The following MIDEAS variants were observed in gnomAD, a reference collection of about 807,000 sequenced individuals.
MIDEAS encodes mitotic deacetylase associated SANT domain protein.
MIDEAS carries 26 observed loss-of-function variants against 102.7 expected under a neutral mutation model. The observed-to-expected ratio is 0.25, with a 90% CI of 0.19 to 0.35. MIDEAS has a LOEUF of 0.35. MIDEAS is among the 10% of genes least tolerant of loss of function. The pLI, the probability that MIDEAS is intolerant of heterozygous loss-of-function variation, is 1.00. For synonymous variants in MIDEAS, 585 were observed against 591.0 expected (o/e 0.99, Z 0.15); for missense variants, 1,231 against 1,435.6 (o/e 0.86, Z 2.30).
At chr14:73,719,663 C>T (rs949804194) in intron 11 of MIDEAS, among the ~76,000 whole-genome samples, 162 bp from the exon 12 acceptor site, 1 of 151,750 alleles carries the variant, frequency 6.6e-6, no homozygotes, top group Non-Finnish European at 1.5e-5. Flanking sequence ...ACCATTGCCT[C>T]CTCCAACTCT....
intron 1 of MIDEAS, among the ~76,000 whole-genome samples, chr14:73,774,750 C>A (rs573274695): frequency 6.6e-6 from 1 of 152,038 alleles, no homozygotes; most frequent in East Asian, 2.0e-4. Flanking sequence ...AGGTGGCAGC[C>A]CCACCAGCAA....
In MIDEAS at chr14:73,731,896, TAA is replaced by T. The variant is rs1354310981; in HGVS notation, c.1750-1913_1750-1912del. Among the ~76,000 whole-genome samples the T allele has an allele frequency of 5.3e-5, 8 of 152,294 alleles. No homozygotes were observed. In the East Asian group the frequency reaches 1.5e-3, roughly 29 times the overall value. On this transcript the variant is annotated intron_variant, in intron 3 of 12. Transcript: ENST00000423556. ...AAAGTATCTGTAGTACAAAGAATAA[TAA>T]ATAATGAATGAAATAAACAAATAAC...
At chr14:73,785,902 G>T (rs1221394735) in intron 1 of MIDEAS, among the ~76,000 whole-genome samples, 1 of 152,216 alleles carries the variant, frequency 6.6e-6, no homozygotes, top group African/African-American at 2.4e-5. Context: ...AGGGCAAAAA[G>T]AATTTGGAGA....
chr14:73,768,637 A>G (rs979164525), intron 1 of MIDEAS, among the ~76,000 whole-genome samples: 4 of 150,692 alleles, frequency 2.7e-5, no homozygotes, highest in Non-Finnish European at 5.9e-5. Flanking sequence ...GGTGTGCACC[A>G]CCACGCCTGG....
intron 1 of MIDEAS, among the ~76,000 whole-genome samples, chr14:73,766,851 A>ATT (rs34401057): frequency 0.011 from 811 of 75,786 alleles, 10 homozygotes; most frequent in Non-Finnish European, 0.014. Context: ...CTGCCCGGCC[A>ATT]TTTTTTTTTT....
At chr14:73,777,145 T>G (rs928073237) in intron 1 of MIDEAS, among the ~76,000 whole-genome samples, 2 of 151,836 alleles carry the variant, frequency 1.3e-5, no homozygotes, top group Non-Finnish European at 2.9e-5. Context: ...GCCAACCACA[T>G]GCGCAGCCTA....
At chr14:73,758,524 A>T (rs1419201140) in intron 1 of MIDEAS, among the ~76,000 whole-genome samples, 1 of 152,086 alleles carries the variant, frequency 6.6e-6, no homozygotes, top group Non-Finnish European at 1.5e-5. Context: ...TCCCTCCCCC[A>T]GCCGCAGCTG....
intron 1 of MIDEAS, among the ~76,000 whole-genome samples, chr14:73,753,877 G>T (rs1371902972): frequency 6.6e-6 from 1 of 151,578 alleles, no homozygotes; most frequent in Admixed American, 6.6e-5. Flanking sequence ...ACAGGGGGAT[G>T]AGGGTATTTC....
intron 4 of MIDEAS, chr14:73,727,953 G>T (rs995540911): frequency 6.4e-6 from 1 of 157,396 alleles, no homozygotes; most frequent in Non-Finnish European, 1.4e-5. Context: ...TGGTGAAGGG[G>T]ATCGCTGTTT....
At chr14:73,769,345 G>A (rs548677344) in intron 1 of MIDEAS, among the ~76,000 whole-genome samples, 1 of 152,306 alleles carries the variant, frequency 6.6e-6, no homozygotes, top group Admixed American at 6.5e-5. Context: ...ACATGAGCAG[G>A]GTTTGACACA....
intron 1 of MIDEAS, among the ~76,000 whole-genome samples, chr14:73,770,986 A>G (rs1282748701): frequency 6.6e-6 from 1 of 152,170 alleles, no homozygotes; most frequent in African/African-American, 2.4e-5. Context: ...GGGCGTGAAG[A>G]TGAGGTTGGG....
chr14:73,731,704 G>A (rs906374767), intron 3 of MIDEAS, among the ~76,000 whole-genome samples: 4 of 152,160 alleles, frequency 2.6e-5, no homozygotes, highest in Non-Finnish European at 5.9e-5. Flanking sequence ...AAGTATACAC[G>A]GATGGAATGA....
chr14:73,775,705 C>CT (rs1474772493), intron 1 of MIDEAS, among the ~76,000 whole-genome samples: 1 of 152,028 alleles, frequency 6.6e-6, no homozygotes, highest in Non-Finnish European at 1.5e-5. Flanking sequence ...AAATTAATTC[C>CT]TTTGTCTAAG....
intron 1 of MIDEAS, among the ~76,000 whole-genome samples, chr14:73,740,691 C>T (rs2053271142): frequency 6.6e-6 from 1 of 152,260 alleles, no homozygotes; most frequent in South Asian, 2.1e-4. Flanking sequence ...GGCAGCCAGG[C>T]CTAGTCCTCC....
chr14:73,734,684 G>A (rs1305470809), intron 3 of MIDEAS, among the ~76,000 whole-genome samples: 1 of 151,934 alleles, frequency 6.6e-6, no homozygotes, highest in African/African-American at 2.4e-5. Flanking sequence ...TCCTGCCTTG[G>A]CCCCCCCAAA....
upstream of MIDEAS, among the ~76,000 whole-genome samples, chr14:73,788,086 C>T (rs999139441): frequency 6.7e-6 from 1 of 150,336 alleles, no homozygotes; most frequent in East Asian, 2.0e-4. Flanking sequence ...AGTCGTTAAA[C>T]AGCAGTCTTC....
chr14:73,778,650 T>C (rs2053714839), intron 1 of MIDEAS, among the ~76,000 whole-genome samples: 2 of 151,910 alleles, frequency 1.3e-5, no homozygotes. Context: ...AAGCTTCTTA[T>C]AGTGGCCTGC....
At chr14:73,781,734 C>CAAA (rs72374466) in intron 1 of MIDEAS, among the ~76,000 whole-genome samples, 23,835 of 72,996 alleles carry the variant, frequency 0.33, 4,790 homozygotes, top group East Asian at 0.77. Context: ...AACTCTGTCT[C>CAAA]AAAAAAAAAA....
rs972586927 is a variant in MIDEAS at position 73,726,773 on chromosome 14, G to A, written c.2305+57C>T. 9 of 1,610,320 alleles carry A rather than the reference G, an allele frequency of 5.6e-6. No individual in the cohort carries two copies. The Admixed American group carries it at 1.3e-4, about 24-fold the overall frequency. On this transcript the variant is annotated intron_variant, in intron 6 of 12. Transcript: ENST00000423556. ...CGTTCAGGGCGGGGCTGGGCAGGGTGAGGCCTGGCCCACCCATGTGCCTGC... is the reference window on the plus strand; with the variant it reads ...CGTTCAGGGCGGGGCTGGGCAGGGTAAGGCCTGGCCCACCCATGTGCCTGC...
Sources: allele counts gnomAD v4.1 joint callset (sites outside exome capture counted in the v4.1 genomes callset), GRCh38; gene constraint gnomAD v4.1.1; transcripts MANE v1.5; gene names NCBI Gene and HGNC (gene_info 2026-07-23, HGNC 2026-07-21).